RPTOR: variants seen among roughly 807,000 people sequenced by gnomAD.
RPTOR encodes the protein regulatory associated protein of MTOR complex 1, also known as regulatory-associated protein of mTOR.
RPTOR carries 21 observed loss-of-function variants against 169.9 expected under a neutral mutation model. The ratio of observed to expected loss-of-function variants is 0.12; its 90% CI spans 0.09 to 0.18. The LOEUF (loss-of-function observed/expected upper bound fraction) is 0.18, where lower values mean the gene tolerates loss of function less well. Among genes scored for constraint, RPTOR ranks in the 10% least tolerant of loss-of-function variants. The probability of loss-of-function intolerance (pLI) is 1.00; values close to 1 mark genes in which losing one functional copy is unlikely to be tolerated. For missense variants in RPTOR, 1,133 were observed against 1,855.9 expected (o/e 0.61, Z 7.16); for synonymous variants, 732 against 753.2 (o/e 0.97, Z 0.46).
rs559636787 is a variant in RPTOR, at chr17:80,750,391, C to T, written c.655-3619C>T. On this transcript the variant is annotated intron_variant, in intron 5 of 33. Transcript: ENST00000306801. The stretch of plus-strand genomic sequence containing the variant: ...TCTGCCAGCAGTCCCAGACAGACAT[C>T]GCAAATGGCGCCTTCCACAGTTCAG... Among the ~76,000 whole-genome samples, 7 of 152,346 alleles carry T rather than the reference C, an allele frequency of 4.6e-5. No homozygotes were observed. The South Asian group carries it at 6.2e-4, about 14-fold the overall frequency.
At chr17:80,794,991 G>A (rs577719581) in intron 7 of RPTOR, among the ~76,000 whole-genome samples, 97 of 152,324 alleles carry the variant, frequency 6.4e-4, no homozygotes, top group Admixed American at 1.6e-3. Flanking sequence ...CCACCCACAC[G>A]TTCCAATCCA....
At chr17:80,696,680 T>G (rs7213466) in intron 3 of RPTOR, among the ~76,000 whole-genome samples, 3 of 152,230 alleles carry the variant, frequency 2.0e-5, no homozygotes, top group African/African-American at 7.2e-5. Context: ...TTGGCCTCTT[T>G]GCTGGACTTG....
rs962383200 is a variant in RPTOR at position 80,746,361 on chromosome 17, G to A, written c.655-7649G>A. The stretch of plus-strand genomic sequence containing the variant: ...GGGTGATCCCCACCGCCCCCACAGC[G>A]GTGCTTTCTGCAGGGAGCGGACGGC... On this transcript the variant is annotated intron_variant, in intron 5 of 33. Coordinates refer to ENST00000306801, the MANE Select transcript of RPTOR (RefSeq NM_020761.3). The surrounding 1 kb of genome is among the most constrained non-coding windows in gnomAD (Gnocchi z 4.5). Among the ~76,000 whole-genome samples the A allele has an allele frequency of 5.9e-5, 9 of 152,202 alleles. No homozygotes were observed. Among genetic ancestry groups the A allele is most frequent in the Admixed American group, 2.6e-4 (4 of 15,294 alleles).
At chr17:80,604,823 G>A (rs185173787) in intron 1 of RPTOR, among the ~76,000 whole-genome samples, 229 of 152,186 alleles carry the variant, frequency 1.5e-3, no homozygotes, top group African/African-American at 4.7e-3. Context: ...AGATCCATCC[G>A]CGCGATTCAA....
intron 24 of RPTOR, among the ~76,000 whole-genome samples, chr17:80,930,370 C>A (rs201180403): frequency 7.1e-5 from 6 of 84,762 alleles, no homozygotes; most frequent in East Asian, 4.1e-4. Flanking sequence ...TCATCCTCAG[C>A]TCATCCCCAG....
At position 80,959,567 on chromosome 17, in the gene RPTOR, C is replaced by A. The variant is rs1164430931; in HGVS notation, c.3478-511C>A. Among the ~76,000 whole-genome samples, 1 of 152,218 alleles carries A rather than the reference C, an allele frequency of 6.6e-6. No homozygotes were observed. The highest frequency in any genetic ancestry group is 1.5e-5 in the Non-Finnish European group (1 of 68,026). ...CCCTGGCAGGTGCCATCGCCCCCGC[C>A]CCCGCTTCTCCAGCACTTAGAGCCC... On this transcript the variant is annotated intron_variant, in intron 29 of 33. Transcript: ENST00000306801. This position sits in a 1 kb window ranked among gnomAD's most constrained non-coding sequence, Gnocchi z 6.7.
Position 80,966,127 on chromosome 17 carries a change from G to GGGCCCC in RPTOR, c.*1797_*1798insGGCCCC, listed in dbSNP as rs2069428052. 9.0e-6 allele frequency: 1 copy of GGGCCCC among 111,270 alleles called. No individual in the cohort carries two copies. The highest frequency in any genetic ancestry group is 1.5e-4 in the Admixed American group (1 of 6,728). The allele number at this position is 111,270 out of a possible 1,614,324, so 6.9% of individuals were successfully genotyped here. On this transcript the variant is annotated 3_prime_UTR_variant, in exon 34 of 34. Transcript: ENST00000306801. ...TCCAGAGGGGTCAAGACCCCCCCCCGCCCCCGCTCCACCCTGGAGCCCACC... is the reference window on the plus strand; with the variant it reads ...TCCAGAGGGGTCAAGACCCCCCCCCGGGCCCCCCCCCGCTCCACCCTGGAGCCCACC...
At chr17:80,884,091 C>T (rs537828594) in intron 16 of RPTOR, 119 bp downstream of exon 16, 4 of 955,464 alleles carry the variant, frequency 4.2e-6, no homozygotes, top group South Asian at 1.6e-5. Flanking sequence ...AGGGGCTGCA[C>T]GCTAATAAGA....
chr17:80,937,255 A>G (rs966081807), intron 24 of RPTOR, among the ~76,000 whole-genome samples: 2 of 152,078 alleles, frequency 1.3e-5, no homozygotes, highest in Non-Finnish European at 2.9e-5. Context: ...AGTCTTTCTC[A>G]ATCTTGATAG....
At chr17:80,961,959 C>G (rs907752116) in intron 31 of RPTOR, among the ~76,000 whole-genome samples, 1 of 152,188 alleles carries the variant, frequency 6.6e-6, no homozygotes, top group African/African-American at 2.4e-5. Flanking sequence ...ATGCTCTTTT[C>G]CCCCTTGTTT....
At chr17:80,772,091 G>A (rs2066849379) in intron 6 of RPTOR, among the ~76,000 whole-genome samples, 1 of 152,190 alleles carries the variant, frequency 6.6e-6, no homozygotes, top group South Asian at 2.1e-4. Context: ...AAAGTGCTGG[G>A]ATTACAGGCC....
At chr17:80,889,680 C>G (rs1211725664) in intron 17 of RPTOR, among the ~76,000 whole-genome samples, 1 of 152,328 alleles carries the variant, frequency 6.6e-6, no homozygotes, top group Admixed American at 6.5e-5. Flanking sequence ...GTGTGTGTTG[C>G]TGTCAGAGCC....
In RPTOR at chr17:80,962,620, T is replaced by C. The variant is rs571865011; in HGVS notation, c.3809+43T>C. ...CCCTGGCCTGCACCGCTCACCCGCC[T>C]CGGGCCTCTGTGCAAACGGGAGGCT... On this transcript the variant is annotated intron_variant, in intron 32 of 33. Transcript: ENST00000306801. 7 of 1,546,582 alleles carry C rather than the reference T, an allele frequency of 4.5e-6. No homozygotes were observed. The South Asian group carries it at 7.9e-5, about 17-fold the overall frequency.
At chr17:80,866,262 A>T (rs2067989435) in intron 13 of RPTOR, among the ~76,000 whole-genome samples, 1 of 151,812 alleles carries the variant, frequency 6.6e-6, no homozygotes, top group African/African-American at 2.4e-5. Flanking sequence ...TAAGATATAA[A>T]ATAAATAGGT....
chr17:80,763,847 A>G (rs1344741076), intron 6 of RPTOR, among the ~76,000 whole-genome samples: 3 of 152,248 alleles, frequency 2.0e-5, no homozygotes, highest in Non-Finnish European at 4.4e-5. Context: ...TCCTTGGATT[A>G]AAGAGGAAAT....
At chr17:80,799,204 A>T (rs1376135523) in intron 7 of RPTOR, among the ~76,000 whole-genome samples, 2 of 152,238 alleles carry the variant, frequency 1.3e-5, no homozygotes, top group Non-Finnish European at 2.9e-5. Flanking sequence ...AGGCAGAAAC[A>T]GGCTCTCGTG....
intron 24 of RPTOR, among the ~76,000 whole-genome samples, chr17:80,935,586 A>G (rs1048498435): frequency 1.3e-5 from 2 of 152,206 alleles, no homozygotes; most frequent in African/African-American, 4.8e-5. Context: ...AAGGTGCAAA[A>G]ACAATTCAAT....
chr17:80,583,746 T>C (rs889110560), intron 1 of RPTOR, among the ~76,000 whole-genome samples: 1 of 152,056 alleles, frequency 6.6e-6, no homozygotes, highest in East Asian at 1.9e-4. Context: ...TATTGTAGAG[T>C]AGAAACGAGA....
intron 2 of RPTOR, among the ~76,000 whole-genome samples, chr17:80,639,385 A>G (rs1313190754): frequency 1.3e-5 from 2 of 152,028 alleles, no homozygotes; most frequent in African/African-American, 2.4e-5. Flanking sequence ...TGAACTTTTC[A>G]CTGAAGGATA....
Sources: allele counts gnomAD v4.1 joint callset (sites outside exome capture counted in the v4.1 genomes callset), GRCh38; gene constraint gnomAD v4.1.1; non-coding constraint Gnocchi (gnomAD v3.1); transcripts MANE v1.5; gene names NCBI Gene and HGNC (gene_info 2026-07-23, HGNC 2026-07-21).